DCTN5: variants seen among roughly 807,000 people sequenced by gnomAD.
DCTN5 encodes dynactin subunit 5.
In DCTN5, 14 loss-of-function variants were observed where a neutral mutation model predicts 23.5. The observed-to-expected ratio is 0.60, with a 90% CI of 0.39 to 0.93. The LOEUF (loss-of-function observed/expected upper bound fraction) is 0.93. Among genes scored for constraint, DCTN5 ranks in the 40% least tolerant of loss-of-function variants. DCTN5 has a pLI of 0.00. For missense variants in DCTN5, 156 were observed against 225.9 expected (o/e 0.69, Z 1.98); for synonymous variants, 67 against 79.6 (o/e 0.84, Z 0.84).
chr16:23,665,852 C>T, intron 5 of DCTN5, 124 bp downstream of exon 5: 1 of 771,058 alleles, frequency 1.3e-6, no homozygotes, highest in Non-Finnish European at 2.1e-6. Context: ...CTTAGAAATT[C>T]ACCTGTACAA....
intron 4 of DCTN5, among the ~76,000 whole-genome samples, chr16:23,663,154 G>T (rs1425876462): frequency 6.6e-6 from 1 of 152,166 alleles, no homozygotes; most frequent in Non-Finnish European, 1.5e-5. Context: ...TGAAGATGTA[G>T]GTGTTCATCA....
intron 2 of DCTN5, among the ~76,000 whole-genome samples, chr16:23,649,946 A>G (rs1967564551): frequency 6.6e-6 from 1 of 151,148 alleles, no homozygotes; most frequent in African/African-American, 2.4e-5. Context: ...AGCACCATTT[A>G]TTGAAGAGAT....
intron 2 of DCTN5, among the ~76,000 whole-genome samples, chr16:23,655,589 G>C (rs902543154): frequency 6.6e-6 from 1 of 151,412 alleles, no homozygotes; most frequent in Admixed American, 6.6e-5. Context: ...TGTCACCCAG[G>C]TGGGAGTGCA....
At chr16:23,645,182 T>C (rs1184788281) in intron 2 of DCTN5, among the ~76,000 whole-genome samples, 3 of 135,028 alleles carry the variant, frequency 2.2e-5, no homozygotes, top group Non-Finnish European at 4.7e-5. Context: ...TTGCCCAGGC[T>C]GGAGTGCAAT....
chr16:23,651,123 T>G, intron 2 of DCTN5: 2 of 1,284,390 alleles, frequency 1.6e-6, no homozygotes, highest in Non-Finnish European at 2.0e-6. Context: ...AAATAAATAA[T>G]AAAAATGCTG....
rs1968066820 is a variant in DCTN5, at chr16:23,675,043, A to G, written c.*7899A>G. 6.6e-6 allele frequency: 1 copy of G among 152,220 alleles called. No homozygotes were observed. The highest frequency in any genetic ancestry group is 2.1e-4 in the South Asian group (1 of 4,814). The allele number at this position is 152,220 out of a possible 1,614,324, so 9.4% of individuals were successfully genotyped here. A position where few individuals can be genotyped will look rare whatever the true frequency, so the allele number is the denominator to read the frequency against. ...GTTACCTCTTCAGGGCCTATCTTCA[A>G]ATATACTCACATTTTGAGGTACAGG... On this transcript the variant is annotated 3_prime_UTR_variant, in exon 6 of 6. Coordinates refer to ENST00000300087, the MANE Select transcript of DCTN5 (RefSeq NM_032486.4).
chr16:23,656,387 A>G (rs1438669061), intron 2 of DCTN5, among the ~76,000 whole-genome samples: 2 of 152,246 alleles, frequency 1.3e-5, no homozygotes, highest in East Asian at 1.9e-4. Context: ...GAATCCAAAC[A>G]TGATGCTGCA....
In DCTN5 at chr16:23,676,131, G is replaced by A. The variant is rs1232851547; in HGVS notation, c.*8987G>A. 1 of 152,016 alleles carries A rather than the reference G, an allele frequency of 6.6e-6. No individual in the cohort carries two copies. The highest frequency in any genetic ancestry group is 1.5e-5 in the Non-Finnish European group (1 of 68,068). The allele number at this position is 152,016 out of a possible 1,614,324, so 9.4% of individuals were successfully genotyped here. ...TCCCCTCAGCCCTGGAAAGCATTTG[G>A]GTTAGCTTCCGCTTACTGGTCAGAG... On this transcript the variant is annotated 3_prime_UTR_variant, in exon 6 of 6. Transcript: ENST00000300087.
Position 23,671,475 on chromosome 16 carries a change from CT to C in DCTN5, c.*4332del, listed in dbSNP as rs1968006536. 6.6e-6 allele frequency: 1 copy of C among 152,184 alleles called. No homozygotes were observed. The highest frequency in any genetic ancestry group is 1.5e-5 in the Non-Finnish European group (1 of 68,024). 9.4% of individuals were successfully genotyped at this position (152,184 alleles called of 1,614,324 possible). On this transcript the variant is annotated 3_prime_UTR_variant, in exon 6 of 6. Transcript: ENST00000300087. ...GAAATCACCCTTCCTTGTTTTGTATCTATGGGGTGCAAACATTTAATCCTCC... is the reference window on the plus strand; with the variant it reads ...GAAATCACCCTTCCTTGTTTTGTATCATGGGGTGCAAACATTTAATCCTCC...
intron 1 of DCTN5, 128 bp downstream of exon 1, chr16:23,641,718 G>A (rs1967268488): frequency 1.0e-6 from 1 of 952,716 alleles, no homozygotes; most frequent in African/African-American, 1.6e-5. Flanking sequence ...GGATTATCTA[G>A]CGATGCCCCG....
chr16:23,643,384 G>C (rs995646143), intron 2 of DCTN5, among the ~76,000 whole-genome samples: 1 of 151,664 alleles, frequency 6.6e-6, no homozygotes, highest in Non-Finnish European at 1.5e-5. Context: ...GTAGAGACAG[G>C]GTTTCATCAT....
Position 23,671,964 on chromosome 16 carries a change from T to G in DCTN5, c.*4820T>G, listed in dbSNP as rs1284802068. 1.3e-5 allele frequency: 2 copies of G among 152,246 alleles called. No homozygotes were observed. Among genetic ancestry groups the G allele is most frequent in the Non-Finnish European group, 2.9e-5 (2 of 68,054 alleles). The allele number at this position is 152,246 out of a possible 1,614,324, so 9.4% of individuals were successfully genotyped here. ...GTGAAATTCACACCCACTCTGGCTTTCATACCATGGGTCTGAACATTAGCC... is the reference window on the plus strand; with the variant it reads ...GTGAAATTCACACCCACTCTGGCTTGCATACCATGGGTCTGAACATTAGCC... On this transcript the variant is annotated 3_prime_UTR_variant, in exon 6 of 6. Coordinates refer to ENST00000300087, the MANE Select transcript of DCTN5 (RefSeq NM_032486.4).
At chr16:23,650,846 AGT>A (rs1266014364) in intron 2 of DCTN5, 1 of 1,458,832 alleles carries the variant, frequency 6.9e-7, no homozygotes, top group South Asian at 1.2e-5. Flanking sequence ...AGTAAGACTG[AGT>A]GTGAACAATA....
rs561489183 is a variant in DCTN5 at position 23,645,139 on chromosome 16, T to A, written c.117+2116T>A. On this transcript the variant is annotated intron_variant, in intron 2 of 5. Coordinates refer to ENST00000300087, the MANE Select transcript of DCTN5 (RefSeq NM_032486.4). ...TATATATATATATATATATATATATTTTTTTTTTTTTTAATACGCAGTTTT... is the reference window on the plus strand; with the variant it reads ...TATATATATATATATATATATATATATTTTTTTTTTTTAATACGCAGTTTT... 6.7e-3 allele frequency among the ~76,000 whole-genome samples: 428 copies of A among 63,898 alleles called. 5 individuals carry two copies. The highest frequency in any genetic ancestry group is 8.9e-3 in the African/African-American group (140 of 15,806). 41.9% of individuals were successfully genotyped at this position (63,898 alleles called of 152,430 possible). A position where few individuals can be genotyped will look rare whatever the true frequency, so the allele number is the denominator to read the frequency against.
Position 23,675,818 on chromosome 16 carries a change from A to C in DCTN5, c.*8674A>C, listed in dbSNP as rs1444897484. 6.6e-6 allele frequency: 1 copy of C among 152,234 alleles called. No homozygotes were observed. The highest frequency in any genetic ancestry group is 1.5e-5 in the Non-Finnish European group (1 of 68,042). 9.4% of individuals were successfully genotyped at this position (152,234 alleles called of 1,614,324 possible). A position where few individuals can be genotyped will look rare whatever the true frequency, so the allele number is the denominator to read the frequency against. ...TATGCTTTCCATGAAGATCTCCCAC[A>C]AATGTCATCCATGCTCATGAGATGG... On this transcript the variant is annotated 3_prime_UTR_variant, in exon 6 of 6. Coordinates refer to ENST00000300087, the MANE Select transcript of DCTN5 (RefSeq NM_032486.4).
At chr16:23,649,246 G>T (rs1027243557) in intron 2 of DCTN5, among the ~76,000 whole-genome samples, 1 of 152,134 alleles carries the variant, frequency 6.6e-6, no homozygotes, top group African/African-American at 2.4e-5. Flanking sequence ...CAAATCATTT[G>T]CCCATTTAAA....
At position 23,673,227 on chromosome 16, in the gene DCTN5, A is replaced by T. The variant is rs183997527; in HGVS notation, c.*6083A>T. On this transcript the variant is annotated 3_prime_UTR_variant, in exon 6 of 6. Coordinates refer to ENST00000300087, the MANE Select transcript of DCTN5 (RefSeq NM_032486.4). ...AAACAGCTATGAAAAGACATAAGAGAATTAGGAGGATTTTCTTTAATATAT... is the reference window on the plus strand; with the variant it reads ...AAACAGCTATGAAAAGACATAAGAGTATTAGGAGGATTTTCTTTAATATAT... The T allele has an allele frequency of 6.6e-6, 1 of 151,990 alleles. No homozygotes were observed. Among genetic ancestry groups the T allele is most frequent in the Non-Finnish European group, 1.5e-5 (1 of 67,964 alleles). The allele number at this position is 151,990 out of a possible 1,614,324, so 9.4% of individuals were successfully genotyped here. A position where few individuals can be genotyped will look rare whatever the true frequency, so the allele number is the denominator to read the frequency against.
In DCTN5 at chr16:23,656,310, C is replaced by T. The variant is rs1280075560; in HGVS notation, c.118-2197C>T. Among the ~76,000 whole-genome samples, 8 of 152,318 alleles carry T rather than the reference C, an allele frequency of 5.3e-5. No homozygotes were observed. The South Asian group carries it at 8.3e-4, about 16-fold the overall frequency. On this transcript the variant is annotated intron_variant, in intron 2 of 5. Transcript: ENST00000300087. ...CCAGTACTTCCTTAATACCATCTAA[C>T]GCTCAGTCCATATTCAGTCTTCCCA... is the stretch of plus-strand genomic sequence containing the variant.
chr16:23,648,826 C>T (rs569359521), intron 2 of DCTN5, among the ~76,000 whole-genome samples: 4 of 151,766 alleles, frequency 2.6e-5, no homozygotes, highest in Admixed American at 6.6e-5. Context: ...TCATTGTGGT[C>T]TTAATTTGCC....
Sources: gnomAD v4.1 joint callset for allele counts (sites outside exome capture counted in the v4.1 genomes callset) on GRCh38, gnomAD v4.1.1 for gene constraint, MANE v1.5 for transcripts, NCBI Gene and HGNC (gene_info 2026-07-23, HGNC 2026-07-21) for gene names.